Variants in ZNF326 observed in about 807,000 individuals in gnomAD.
ZNF326 encodes the protein DBIRD complex subunit ZNF326.
A neutral mutation model predicts 63.1 loss-of-function variants in ZNF326; 30 were observed. The observed-to-expected ratio is 0.48, with a 90% confidence interval of 0.36 to 0.64. The LOEUF is 0.64. ZNF326 is among the 30% of genes least tolerant of loss of function. ZNF326 has a pLI of 0.00. For missense variants in ZNF326, 609 were observed against 720.3 expected (o/e 0.85, Z 1.77); for synonymous variants, 194 against 228.2 (o/e 0.85, Z 1.35).
Position 89,995,147 on chromosome 1 carries a change from C to G in ZNF326, c.-111C>G, listed in dbSNP as rs1043332493. 114 of 1,349,236 alleles carry G rather than the reference C, an allele frequency of 8.4e-5. No homozygotes were observed. The highest frequency in any genetic ancestry group is 1.1e-4 in the Non-Finnish European group (111 of 996,026). The allele number at this position is 1,349,236 out of a possible 1,614,324, so 83.6% of individuals were successfully genotyped here. ...GCCTGCGGCTCCCGGGCTGGTAGCG[C>G]GCCGCTCTCGGTCGCGCGGAGTGAT... On this transcript the variant is annotated 5_prime_UTR_variant, in exon 1 of 12. Transcript: ENST00000340281.
chr1:90,007,210 A>C lies in ZNF326; in HGVS notation c.210-135A>C. 1 of 859,114 alleles carries C rather than the reference A, an allele frequency of 1.2e-6. No individual in the cohort carries two copies. The highest frequency in any genetic ancestry group is 2.0e-5 in the South Asian group (1 of 49,112). The allele number at this position is 859,114 out of a possible 1,614,324, so 53.2% of individuals were successfully genotyped here. On this transcript the variant is annotated intron_variant, in intron 4 of 11. Transcript: ENST00000340281. This position sits in a 1 kb window ranked among gnomAD's most constrained non-coding sequence, Gnocchi z 4.9. ...TGCCCAGCCCTAATCAAATGTGAACAAAAGTAGAACTGTGCAAACCAGTAT... is the reference window on the plus strand; with the variant it reads ...TGCCCAGCCCTAATCAAATGTGAACCAAAGTAGAACTGTGCAAACCAGTAT...
In ZNF326 at chr1:90,035,496, T is replaced by C. The variant is rs1650443366; in HGVS notation, c.*7795T>C. On this transcript the variant is annotated 3_prime_UTR_variant, in exon 12 of 12. Coordinates refer to ENST00000340281, the MANE Select transcript of ZNF326 (RefSeq NM_182976.4). ...TGCAAAATCCTTATGAGGAAAATGA[T>C]ACATTTTAATGGAGGAAATAAAATG... 6.6e-6 allele frequency: 1 copy of C among 152,208 alleles called. No homozygotes were observed. The highest frequency in any genetic ancestry group is 2.4e-5 in the African/African-American group (1 of 41,454). 9.4% of individuals were successfully genotyped at this position (152,208 alleles called of 1,614,324 possible).
At chr1:90,018,646 A>G (rs1182211035) in intron 8 of ZNF326, 39 bp from the exon 9 acceptor site, 2 of 1,264,730 alleles carry the variant, frequency 1.6e-6, no homozygotes, top group East Asian at 4.9e-5. Flanking sequence ...TTGAGTGCTC[A>G]TTGAAAGCTA....
chr1:90,007,398 T>C lies in ZNF326; in HGVS notation c.263T>C (p.Leu88Pro), dbSNP rs767885564. The C allele has an allele frequency of 6.2e-7, 1 of 1,614,114 alleles. No homozygotes were observed. The highest frequency in any genetic ancestry group is 8.5e-7 in the Non-Finnish European group (1 of 1,179,980). Reference sequence around the variant, plus strand: ...AGGTCTTCTCTGGGTGGGCGAGATCTGTACAGATCTGGCTATGGTTTTAAT... The same window carrying C: ...AGGTCTTCTCTGGGTGGGCGAGATCCGTACAGATCTGGCTATGGTTTTAAT... ...DSRSSLGGRD[L>P]YRSGYGFNEP... Residue 88 changes from leucine (L) to proline (P), a missense_variant, in exon 5 of 12, where the codon CTG (leucine) becomes CCG (proline). Leu to Pro is a moderately conservative substitution (Grantham distance 98). Coordinates refer to ENST00000340281, the MANE Select transcript of ZNF326 (RefSeq NM_182976.4). This position sits in a 1 kb window ranked among gnomAD's most constrained non-coding sequence, Gnocchi z 4.9.
Position 90,006,244 on chromosome 1 carries a change from T to G in ZNF326, c.209+1000T>G, listed in dbSNP as rs918858148. The G allele has an allele frequency of 3.0e-6, 3 of 984,124 alleles. No individual in the cohort carries two copies. The East Asian group carries it at 3.4e-4, about 112-fold the overall frequency. 61.0% of individuals were successfully genotyped at this position (984,124 alleles called of 1,614,324 possible). A position where few individuals can be genotyped will look rare whatever the true frequency, so the allele number is the denominator to read the frequency against. Reference sequence around the variant, plus strand: ...ATGTAGTTGGAAATAGGAATAATTTTTATATGGTTACTAGGATTCAGAAGT... The same window carrying G: ...ATGTAGTTGGAAATAGGAATAATTTGTATATGGTTACTAGGATTCAGAAGT... On this transcript the variant is annotated intron_variant, in intron 4 of 11. Transcript: ENST00000340281.
chr1:90,015,774 G>T (rs1217078135), intron 7 of ZNF326, among the ~76,000 whole-genome samples: 1 of 152,212 alleles, frequency 6.6e-6, no homozygotes, highest in Non-Finnish European at 1.5e-5. Context: ...AGGGTTACAG[G>T]AGGAGTTGTG....
intron 11 of ZNF326, 50 bp downstream of exon 11, chr1:90,022,395 A>ATT: frequency 7.6e-7 from 1 of 1,313,532 alleles, no homozygotes; most frequent in Non-Finnish European, 1.1e-6. Context: ...GTATTGCAAT[A>ATT]ATTAACTGGT....
chr1:90,014,489 G>A lies in ZNF326; in HGVS notation c.926+1252G>A, dbSNP rs150298986. Reference sequence around the variant, plus strand: ...CATTAAACTAAAAATTTAAATAATAGTATGCCATTTTATTACTAAGGAGAA... The same window carrying A: ...CATTAAACTAAAAATTTAAATAATAATATGCCATTTTATTACTAAGGAGAA... On this transcript the variant is annotated intron_variant, in intron 7 of 11. Coordinates refer to ENST00000340281, the MANE Select transcript of ZNF326 (RefSeq NM_182976.4). 3.5e-3 allele frequency among the ~76,000 whole-genome samples: 538 copies of A among 152,238 alleles called. 1 individual carries two copies. Among genetic ancestry groups the A allele is most frequent in the African/African-American group, 0.012 (508 of 41,554 alleles).
intron 2 of ZNF326, among the ~76,000 whole-genome samples, chr1:90,003,843 G>A (rs1407738656): frequency 6.6e-6 from 1 of 152,132 alleles, no homozygotes; most frequent in Non-Finnish European, 1.5e-5. Context: ...AAAGTTGGAT[G>A]ACTTTGAGTA....
At chr1:90,010,475 TAC>T (rs1649184489) in intron 6 of ZNF326, among the ~76,000 whole-genome samples, 189 bp downstream of exon 6, 1 of 152,192 alleles carries the variant, frequency 6.6e-6, no homozygotes, top group Non-Finnish European at 1.5e-5. Context: ...TTTTAAAATG[TAC>T]ATAACCTGGT....
chr1:90,027,065 ATGTGTG>A (rs59960066), intron 11 of ZNF326, among the ~76,000 whole-genome samples: 2 of 149,206 alleles, frequency 1.3e-5, no homozygotes, highest in Non-Finnish European at 3.0e-5. Flanking sequence ...ATGTGTATAT[ATGTGTG>A]TGTGTGTGTG....
chr1:90,031,648 C>T lies in ZNF326; in HGVS notation c.*3947C>T, dbSNP rs1208839676. The T allele has an allele frequency of 6.6e-6, 1 of 151,820 alleles. No homozygotes were observed. The highest frequency in any genetic ancestry group is 1.5e-5 in the Non-Finnish European group (1 of 68,022). The allele number at this position is 151,820 out of a possible 1,614,324, so 9.4% of individuals were successfully genotyped here. A position where few individuals can be genotyped will look rare whatever the true frequency, so the allele number is the denominator to read the frequency against. On this transcript the variant is annotated 3_prime_UTR_variant, in exon 12 of 12. Transcript: ENST00000340281. ...CTCAGCTCACTGCAATCTCTGCTTC[C>T]TGGGTTCAAGCGATTCTTGTGCCTC...
intron 2 of ZNF326, among the ~76,000 whole-genome samples, chr1:90,001,782 T>C (rs1360009996): frequency 6.6e-6 from 1 of 152,124 alleles, no homozygotes; most frequent in Non-Finnish European, 1.5e-5. Flanking sequence ...GGTCTTGAAC[T>C]CCTGACCTCA....
rs1649539576 is a variant in ZNF326, at chr1:90,017,177, A to C, written c.927-140A>C. On this transcript the variant is annotated intron_variant, in intron 7 of 11. Transcript: ENST00000340281. ...CTTAAATACTGTTTTTTTTGGATTT[A>C]AGCTAAGTTTAATTCAGTCATAAAG... 6.1e-6 allele frequency: 4 copies of C among 652,296 alleles called. No homozygotes were observed. In the East Asian group the frequency reaches 1.3e-4, roughly 21 times the overall value. The allele number at this position is 652,296 out of a possible 1,614,324, so 40.4% of individuals were successfully genotyped here.
chr1:90,000,065 T>C (rs1648596464), intron 2 of ZNF326, among the ~76,000 whole-genome samples: 1 of 152,198 alleles, frequency 6.6e-6, no homozygotes, highest in Non-Finnish European at 1.5e-5. Context: ...TGTGTGTGTG[T>C]GCTTGTATGT....
intron 11 of ZNF326, among the ~76,000 whole-genome samples, chr1:90,027,048 C>T (rs1033112484): frequency 7.3e-6 from 1 of 136,700 alleles, no homozygotes. Context: ...CCACACTTGT[C>T]TTTGTCATGT....
At position 90,022,181 on chromosome 1, in the gene ZNF326, G is replaced by A. The variant is rs1181827507; in HGVS notation, c.1306-69G>A. The stretch of plus-strand genomic sequence containing the variant: ...TCTAAGGGTTTGAGCATGAAATGCT[G>A]TTTTAATTATGGAAATATTTTTCAT... On this transcript the variant is annotated intron_variant, in intron 10 of 11. Coordinates refer to ENST00000340281, the MANE Select transcript of ZNF326 (RefSeq NM_182976.4). The A allele has an allele frequency of 4.0e-5, 47 of 1,177,556 alleles. No homozygotes were observed. The East Asian group carries it at 9.2e-4, about 23-fold the overall frequency. 72.9% of individuals were successfully genotyped at this position (1,177,556 alleles called of 1,614,324 possible). A position where few individuals can be genotyped will look rare whatever the true frequency, so the allele number is the denominator to read the frequency against.
At chr1:89,996,938 A>G (rs1178713702) in intron 1 of ZNF326, among the ~76,000 whole-genome samples, 1 of 152,262 alleles carries the variant, frequency 6.6e-6, no homozygotes, top group Non-Finnish European at 1.5e-5. Context: ...TCCCCACCCA[A>G]GGCAATAAGG....
Position 90,005,783 on chromosome 1 carries a change from A to G in ZNF326, c.209+539A>G, listed in dbSNP as rs533178259. ...CAATAATAAAAATATTTTTAAAATT[A>G]TGTTCAGGTTATTTATTGACAGGTA... On this transcript the variant is annotated intron_variant, in intron 4 of 11. Transcript: ENST00000340281. 13 of 984,788 alleles carry G rather than the reference A, an allele frequency of 1.3e-5. No homozygotes were observed. The South Asian group carries it at 5.6e-4, about 43-fold the overall frequency. The allele number at this position is 984,788 out of a possible 1,614,324, so 61.0% of individuals were successfully genotyped here.
Sources: gnomAD v4.1 joint callset for allele counts (sites outside exome capture counted in the v4.1 genomes callset) on GRCh38, gnomAD v4.1.1 for gene constraint, Gnocchi (gnomAD v3.1) non-coding constraint, MANE v1.5 for transcripts, NCBI Gene and HGNC (gene_info 2026-07-23, HGNC 2026-07-21) for gene names.